RASA1: variants seen among roughly 807,000 people sequenced by gnomAD.
The protein encoded by RASA1 is ras GTPase-activating protein 1.
In RASA1, 25 loss-of-function variants were observed where a neutral mutation model predicts 132.2. The observed-to-expected ratio is 0.19, with a 90% CI of 0.14 to 0.26. RASA1 has a LOEUF of 0.26. Ranked by LOEUF, RASA1 falls within the 10% of genes least tolerant of loss-of-function variation. The probability of loss-of-function intolerance (pLI) is 1.00; values close to 1 mark genes in which losing one functional copy is unlikely to be tolerated. For missense variants in RASA1, 964 were observed against 1,299.2 expected (o/e 0.74, Z 3.97); for synonymous variants, 477 against 449.9 (o/e 1.06, Z -0.76).
At chr5:87,376,631 G>A in intron 16 of RASA1, 66 bp downstream of exon 16, 1 of 1,543,378 alleles carries the variant, frequency 6.5e-7, no homozygotes, top group Non-Finnish European at 8.9e-7. Context: ...TTTAATAAAA[G>A]ATCCATTAAG....
intron 15 of RASA1, 122 bp from the exon 16 acceptor site, chr5:87,376,271 A>T (rs769388968): frequency 9.7e-5 from 112 of 1,158,610 alleles, no homozygotes; most frequent in Middle Eastern, 2.7e-4. Context: ...GATGTTACTG[A>T]AAACTCCTTT....
chr5:87,338,536 A>ATATATATATATATATATTTT lies in RASA1; in HGVS notation c.1017+446_1017+447insATATATATATATATATTTTT. Among the ~76,000 whole-genome samples, 22 of 85,214 alleles carry ATATATATATATATATATTTT rather than the reference A, an allele frequency of 2.6e-4. 1 individual carries two copies. Among genetic ancestry groups the ATATATATATATATATATTTT allele is most frequent in the East Asian group, 9.9e-4 (2 of 2,028 alleles). The allele number at this position is 85,214 out of a possible 152,430, so 55.9% of individuals were successfully genotyped here. A position where few individuals can be genotyped will look rare whatever the true frequency, so the allele number is the denominator to read the frequency against. On this transcript the variant is annotated intron_variant, in intron 5 of 24. Coordinates refer to ENST00000274376, the MANE Select transcript of RASA1 (RefSeq NM_002890.3). Reference sequence around the variant, plus strand: ...ATATATATATATATATATATATAAAATTTTTTTTTTTTTTAAGTAGAAATG... The same window carrying ATATATATATATATATATTTT: ...ATATATATATATATATATATATAAAATATATATATATATATATTTTTTTTTTTTTTTTTTAAGTAGAAATG...
chr5:87,352,814 C>T (rs1459006371), intron 8 of RASA1, among the ~76,000 whole-genome samples: 1 of 151,450 alleles, frequency 6.6e-6, no homozygotes, highest in Non-Finnish European at 1.5e-5. Flanking sequence ...TTCTTAGTAT[C>T]TCATATATAC....
intron 11 of RASA1, among the ~76,000 whole-genome samples, chr5:87,368,562 G>C (rs569796982): frequency 2.0e-5 from 3 of 152,254 alleles, no homozygotes; most frequent in South Asian, 4.1e-4. Flanking sequence ...TCTTACGGAT[G>C]GTATAGGGTT....
At chr5:87,386,727 G>A in intron 22 of RASA1, 99 bp from the exon 23 acceptor site, 1 of 966,836 alleles carries the variant, frequency 1.0e-6, no homozygotes. Context: ...AATAGTAATT[G>A]CAGTTTTTGC....
chr5:87,279,674 C>A (rs773215529), intron 1 of RASA1, among the ~76,000 whole-genome samples: 1 of 152,176 alleles, frequency 6.6e-6, no homozygotes, highest in Non-Finnish European at 1.5e-5. Flanking sequence ...TTGATGATAT[C>A]ATTTTTTATT....
intron 15 of RASA1, among the ~76,000 whole-genome samples, chr5:87,376,011 G>T (rs1761301257): frequency 6.6e-6 from 1 of 151,988 alleles, no homozygotes; most frequent in Non-Finnish European, 1.5e-5. Flanking sequence ...CCGCTCAAGG[G>T]TTACCTGTTT....
intron 1 of RASA1, among the ~76,000 whole-genome samples, chr5:87,324,175 A>G (rs369604016): frequency 2.6e-5 from 4 of 152,198 alleles, no homozygotes; most frequent in East Asian, 1.9e-4. Flanking sequence ...AAACCCAACT[A>G]TAAGAATTGA....
intron 16 of RASA1, 105 bp downstream of exon 16, chr5:87,376,670 C>T (rs1580386317): frequency 7.3e-7 from 1 of 1,376,510 alleles, no homozygotes; most frequent in Non-Finnish European, 1.0e-6. Flanking sequence ...AGCTTAGTAG[C>T]ACAATGATGC....
At chr5:87,295,518 T>A (rs972966050) in intron 1 of RASA1, among the ~76,000 whole-genome samples, 3 of 151,038 alleles carry the variant, frequency 2.0e-5, no homozygotes, top group Non-Finnish European at 3.0e-5. Flanking sequence ...TTATTTTATT[T>A]ATTTATTTAT....
intron 18 of RASA1, among the ~76,000 whole-genome samples, chr5:87,378,842 T>C (rs1195917511): frequency 2.0e-5 from 3 of 152,156 alleles, no homozygotes; most frequent in African/African-American, 4.8e-5. Flanking sequence ...ATAAGATAAA[T>C]TGAAGGTTTT....
chr5:87,351,543 G>C lies in RASA1; in HGVS notation c.1254-1614G>C, dbSNP rs538432599. ...AATGCATTACAAAAATTAAAATACA[G>C]AACACAGTGTCTCTAGAAACTCACG... On this transcript the variant is annotated intron_variant, in intron 8 of 24. Coordinates refer to ENST00000274376, the MANE Select transcript of RASA1 (RefSeq NM_002890.3). Among the ~76,000 whole-genome samples the C allele has an allele frequency of 6.6e-4, 100 of 151,742 alleles. 1 individual carries two copies. The highest frequency in any genetic ancestry group is 1.1e-3 in the Non-Finnish European group (72 of 67,690).
In RASA1 at chr5:87,270,646, C is replaced by CTT. The variant is rs70996415; in HGVS notation, c.539+1692_539+1693dup. ...ACAGCCGTAAGCCACGGTGCCCGGC[C>CTT]TTTTTTTTTTTTTTTTTTTTTTTTT... On this transcript the variant is annotated intron_variant, in intron 1 of 24. Coordinates refer to ENST00000274376, the MANE Select transcript of RASA1 (RefSeq NM_002890.3). Among the ~76,000 whole-genome samples, 57 of 71,772 alleles carry CTT rather than the reference C, an allele frequency of 7.9e-4. 6 individuals are homozygous for CTT. Among genetic ancestry groups the CTT allele is most frequent in the African/African-American group, 2.8e-3 (44 of 15,544 alleles). The allele number at this position is 71,772 out of a possible 152,430, so 47.1% of individuals were successfully genotyped here.
chr5:87,371,603 A>G (rs575541542), intron 12 of RASA1, among the ~76,000 whole-genome samples: 1 of 152,246 alleles, frequency 6.6e-6, no homozygotes, highest in Admixed American at 6.5e-5. Flanking sequence ...AAATAACCCA[A>G]ATCCCCTTAT....
chr5:87,314,061 C>T (rs1249135917), intron 1 of RASA1, among the ~76,000 whole-genome samples: 2 of 151,946 alleles, frequency 1.3e-5, no homozygotes, highest in African/African-American at 2.4e-5. Flanking sequence ...CCCAGCTATT[C>T]GGGAGGCTGA....
intron 4 of RASA1, among the ~76,000 whole-genome samples, chr5:87,335,613 A>G (rs1248412158): frequency 1.3e-5 from 2 of 151,682 alleles, no homozygotes; most frequent in East Asian, 2.0e-4. Context: ...TTTAGTAGAG[A>G]TGGGGTTTCA....
intron 21 of RASA1, 87 bp downstream of exon 21, chr5:87,383,867 T>C: frequency 8.2e-7 from 1 of 1,213,456 alleles, no homozygotes; most frequent in African/African-American, 1.5e-5. Flanking sequence ...ATCTTTTTTT[T>C]TTTTTTGATC....
intron 17 of RASA1, among the ~76,000 whole-genome samples, chr5:87,377,886 A>T (rs925288263): frequency 1.3e-5 from 2 of 152,220 alleles, no homozygotes; most frequent in African/African-American, 4.8e-5. Context: ...AATAGATAAA[A>T]TGGTGGTCCT....
intron 1 of RASA1, among the ~76,000 whole-genome samples, chr5:87,310,398 T>G (rs955642243): frequency 6.6e-6 from 1 of 152,134 alleles, no homozygotes; most frequent in Non-Finnish European, 1.5e-5. Flanking sequence ...CAATAGAATA[T>G]GAGAGTTGAA....
Sources: gnomAD v4.1 joint callset for allele counts (sites outside exome capture counted in the v4.1 genomes callset) on GRCh38, gnomAD v4.1.1 for gene constraint, MANE v1.5 for transcripts, NCBI Gene and HGNC (gene_info 2026-07-23, HGNC 2026-07-21) for gene names.